Variants in TCEANC2 observed in about 807,000 individuals in gnomAD.
The protein encoded by TCEANC2 is transcription elongation factor A N-terminal and central domain-containing protein 2.
TCEANC2 carries 20 observed loss-of-function variants against 22.8 expected under a neutral mutation model. That is an observed-to-expected ratio of 0.88 (90% CI 0.62 to 1.28). The LOEUF (loss-of-function observed/expected upper bound fraction) is 1.28. Among genes scored for constraint, TCEANC2 ranks in the 50% most tolerant of loss-of-function variants. TCEANC2 has a pLI of 0.00. For synonymous variants in TCEANC2, 84 were observed against 95.5 expected (o/e 0.88, Z 0.70); for missense variants, 251 against 249.7 (o/e 1.01, Z -0.03).
intron 2 of TCEANC2, among the ~76,000 whole-genome samples, chr1:54,057,347 A>AT (rs1163556776): frequency 0.044 from 3,772 of 85,982 alleles, 200 homozygotes; most frequent in African/African-American, 0.049. Context: ...CACCTGGCTA[A>AT]TTTTTTTTTT....
chr1:54,068,606 C>T, intron 2 of TCEANC2, 150 bp from the exon 3 acceptor site: 1 of 664,984 alleles, frequency 1.5e-6, no homozygotes, highest in Non-Finnish European at 2.3e-6. Context: ...AAGCAATTAC[C>T]CATCATTTGG....
intron 3 of TCEANC2, among the ~76,000 whole-genome samples, chr1:54,087,928 T>C (rs1658370848): frequency 1.3e-5 from 2 of 152,258 alleles, no homozygotes; most frequent in African/African-American, 4.8e-5. Flanking sequence ...TTTGAATGAC[T>C]AACTGGGTTA....
At chr1:54,091,617 C>T (rs12046885) in intron 4 of TCEANC2, among the ~76,000 whole-genome samples, 46,583 of 152,034 alleles carry the variant, frequency 0.31, 7,540 homozygotes, top group Admixed American at 0.44. Context: ...TCTTTATTAC[C>T]CTACAGATCT....
chr1:54,074,520 C>T (rs944214881), intron 3 of TCEANC2, among the ~76,000 whole-genome samples: 5 of 151,532 alleles, frequency 3.3e-5, no homozygotes, highest in Non-Finnish European at 5.9e-5. Context: ...GTTAAGAAGA[C>T]CCAAGAGCTG....
Position 54,090,471 on chromosome 1 carries a change from C to A in TCEANC2, c.438+1681C>A, listed in dbSNP as rs77176392. Among the ~76,000 whole-genome samples, 1,050 of 152,190 alleles carry A rather than the reference C, an allele frequency of 6.9e-3. 8 individuals are homozygous for A. The highest frequency in any genetic ancestry group is 0.024 in the African/African-American group (996 of 41,540). ...TTTATTGATTATTTAAGTAACATTG[C>A]AGAATATTGATGTAATTATTTACAT... On this transcript the variant is annotated intron_variant, in intron 4 of 4. Transcript: ENST00000234827.
intron 3 of TCEANC2, among the ~76,000 whole-genome samples, chr1:54,074,747 T>A (rs1246881714): frequency 6.6e-6 from 1 of 152,168 alleles, no homozygotes; most frequent in African/African-American, 2.4e-5. Context: ...AATGAAGTCA[T>A]TAATGATCTT....
rs1016118142 is a variant in TCEANC2 at position 54,097,131 on chromosome 1, C to A, written c.*658C>A. 3.8e-6 allele frequency: 1 copy of A among 262,130 alleles called. No homozygotes were observed. The highest frequency in any genetic ancestry group is 5.9e-6 in the Non-Finnish European group (1 of 168,290). 16.2% of individuals were successfully genotyped at this position (262,130 alleles called of 1,614,324 possible). A position where few individuals can be genotyped will look rare whatever the true frequency, so the allele number is the denominator to read the frequency against. ...CTCAGGGTTTATTTGAATACGCTGG[C>A]GCTCTCAGTTTAGGGCTCTGTAGAA... is the stretch of plus-strand genomic sequence containing the variant. On this transcript the variant is annotated 3_prime_UTR_variant, in exon 5 of 5. Transcript: ENST00000234827.
chr1:54,097,052 C>T lies in TCEANC2; in HGVS notation c.*579C>T. ...CTGGAAGACCTTCTGCGTTGGTCTC[C>T]AGAGCCCCCATGCTGAGGCTACTAA... On this transcript the variant is annotated 3_prime_UTR_variant, in exon 5 of 5. Transcript: ENST00000234827. 1.1e-6 allele frequency: 1 copy of T among 937,256 alleles called. No individual in the cohort carries two copies. Among genetic ancestry groups the T allele is most frequent in the Non-Finnish European group, 1.3e-6 (1 of 785,706 alleles). The allele number at this position is 937,256 out of a possible 1,614,324, so 58.1% of individuals were successfully genotyped here.
chr1:54,110,445 G>GA (rs796365229), downstream of TCEANC2, among the ~76,000 whole-genome samples: 33 of 147,418 alleles, frequency 2.2e-4, no homozygotes, highest in South Asian at 3.0e-3. Context: ...CTTTACAAAA[G>GA]AAAAAAAAAA....
chr1:54,081,054 A>G (rs1342175633), intron 3 of TCEANC2, among the ~76,000 whole-genome samples: 1 of 152,178 alleles, frequency 6.6e-6, no homozygotes, highest in Non-Finnish European at 1.5e-5. Context: ...CAGACTGCTT[A>G]TATATGAAAC....
At chr1:54,066,001 G>T (rs1657947353) in intron 2 of TCEANC2, among the ~76,000 whole-genome samples, 3 of 151,058 alleles carry the variant, frequency 2.0e-5, no homozygotes, top group Admixed American at 6.6e-5. Context: ...GAACAGGTTG[G>T]GGGAGAGGGG....
intron 2 of TCEANC2, among the ~76,000 whole-genome samples, chr1:54,061,601 G>A (rs897526898): frequency 6.6e-6 from 1 of 152,146 alleles, no homozygotes. Flanking sequence ...TGATATGTAT[G>A]CTTTTATCAT....
chr1:54,064,050 C>G (rs1657904891), intron 2 of TCEANC2, among the ~76,000 whole-genome samples: 1 of 152,150 alleles, frequency 6.6e-6, no homozygotes. Flanking sequence ...TGAGATTTCT[C>G]TATTAAGACA....
chr1:54,085,780 C>G (rs1454762712), intron 3 of TCEANC2, among the ~76,000 whole-genome samples: 1 of 152,118 alleles, frequency 6.6e-6, no homozygotes, highest in Non-Finnish European at 1.5e-5. Flanking sequence ...GTTGCCCAGG[C>G]TGGAGTGCAG....
intron 2 of TCEANC2, among the ~76,000 whole-genome samples, chr1:54,064,471 G>T (rs964342565): frequency 6.6e-6 from 1 of 152,104 alleles, no homozygotes; most frequent in African/African-American, 2.4e-5. Context: ...GAGGCTTCCC[G>T]TTGGTTACTT....
Position 54,053,633 on chromosome 1 carries a change from C to T in TCEANC2, c.-168C>T, listed in dbSNP as rs1420450575. 3 of 164,558 alleles carry T rather than the reference C, an allele frequency of 1.8e-5. No homozygotes were observed. The highest frequency in any genetic ancestry group is 7.2e-5 in the African/African-American group (3 of 41,736). The allele number at this position is 164,558 out of a possible 1,614,324, so 10.2% of individuals were successfully genotyped here. A position where few individuals can be genotyped will look rare whatever the true frequency, so the allele number is the denominator to read the frequency against. ...AGAGGCGCGAGGGCCGGCGGAGTTT[C>T]TTCAGAGGAACTACCGCCCTGGGAG... On this transcript the variant is annotated 5_prime_UTR_variant, in exon 1 of 5. Coordinates refer to ENST00000234827, the MANE Select transcript of TCEANC2 (RefSeq NM_153035.3).
At chr1:54,067,618 T>A (rs1309270035) in intron 2 of TCEANC2, among the ~76,000 whole-genome samples, 1 of 152,122 alleles carries the variant, frequency 6.6e-6, no homozygotes, top group East Asian at 1.9e-4. Context: ...ACAAGTGGAT[T>A]GGAGAGGAAG....
chr1:54,066,073 ACTT>A (rs1440157929), intron 2 of TCEANC2, among the ~76,000 whole-genome samples: 7 of 151,810 alleles, frequency 4.6e-5, no homozygotes, highest in African/African-American at 1.5e-4. Context: ...ACAGAACAAG[ACTT>A]CTTCTCAGAA....
At chr1:54,078,225 A>G (rs1371845359) in intron 3 of TCEANC2, among the ~76,000 whole-genome samples, 1 of 152,024 alleles carries the variant, frequency 6.6e-6, no homozygotes, top group Non-Finnish European at 1.5e-5. Context: ...ATATATTTCT[A>G]TGAGCTCTGT....
Sources: gnomAD v4.1 joint callset for allele counts (sites outside exome capture counted in the v4.1 genomes callset) on GRCh38, gnomAD v4.1.1 for gene constraint, MANE v1.5 for transcripts, NCBI Gene and HGNC (gene_info 2026-07-23, HGNC 2026-07-21) for gene names.